The following B3GAT1 variants were observed in gnomAD, a reference collection of about 807,000 sequenced individuals.
The protein encoded by B3GAT1 is galactosylgalactosylxylosylprotein 3-beta-glucuronosyltransferase 1.
Under a neutral mutation model 28.4 loss-of-function variants are expected in B3GAT1, and 11 were observed. That is an observed-to-expected ratio of 0.39 (90% CI 0.24 to 0.64). B3GAT1 has a LOEUF of 0.64. Ranked by LOEUF, B3GAT1 falls within the 30% of genes least tolerant of loss-of-function variation. The pLI, the probability that B3GAT1 is intolerant of heterozygous loss-of-function variation, is 0.50. For missense variants in B3GAT1, 375 were observed against 491.0 expected, an observed-to-expected ratio of 0.76 and a Z score of 2.23; for synonymous variants, 255 against 223.1, an observed-to-expected ratio of 1.14 and a Z score of -1.27.
At chr11:134,401,977 G>A (rs1290606937) in intron 1 of B3GAT1, among the ~76,000 whole-genome samples, 1 of 122,836 alleles carries the variant, frequency 8.1e-6, no homozygotes, top group Non-Finnish European at 1.8e-5. Context: ...GGGCGGGGGG[G>A]GGCGGGCAGC....
chr11:134,383,827 G>C lies in B3GAT1; in HGVS notation c.474C>G (p.Ala158=). 1 of 1,595,478 alleles carries C rather than the reference G, an allele frequency of 6.3e-7. No homozygotes were observed. The highest frequency in any genetic ancestry group is 8.5e-7 in the Non-Finnish European group (1 of 1,172,960). The change falls in exon 3 of 6, where the codon GCC becomes GCG. Residue 158 remains alanine (A), a synonymous_variant. Coordinates refer to ENST00000312527, the MANE Select transcript of B3GAT1 (RefSeq NM_054025.3). ...TGCCCCGCGGGATGCGTGGGTCGCG[G>C]GCGTCTCCGCGCAGCTTGTAGTTGC... ...TPRNYKLRGD[A]RDPRIPRGTM...
Position 134,383,803 on chromosome 11 carries a change from G to A in B3GAT1, c.498C>T (p.Gly166=). ...GCAGGGCCAGGTTGCGCTGCATGGT[G>A]CCCCGCGGGATGCGTGGGTCGCGGG... ...GDARDPRIPR[G]TMQRNLALRW... Residue 166 remains glycine, a synonymous_variant, in exon 3 of 6, where the codon GGC becomes GGT. Coordinates refer to ENST00000312527, the MANE Select transcript of B3GAT1 (RefSeq NM_054025.3). 3 of 1,596,606 alleles carry A rather than the reference G, an allele frequency of 1.9e-6. No individual in the cohort carries two copies. The highest frequency in any genetic ancestry group is 3.4e-5 in the Admixed American group (2 of 58,174).
Position 134,387,538 on chromosome 11 carries a change from G to A in B3GAT1, c.112+10C>T, listed in dbSNP as rs751018602. ...CCAGCTGGGCAGGCAGGGCATGCGT[G>A]CGTGCTCACCCTTATGTACCGCGAG... On this transcript the variant is annotated intron_variant, in intron 2 of 5. Coordinates refer to ENST00000312527, the MANE Select transcript of B3GAT1 (RefSeq NM_054025.3). 1 of 1,613,622 alleles carries A rather than the reference G, an allele frequency of 6.2e-7. No homozygotes were observed. The highest frequency in any genetic ancestry group is 8.5e-7 in the Non-Finnish European group (1 of 1,179,922).
rs1211494365 is a variant in B3GAT1, at chr11:134,383,017, G to A, written c.622-11C>T. ...CCTGGTGCTGCGCATCTACAAGGGGGGGGTCCAGAGTCAGGGCGCCGGCAC... is the reference window on the plus strand; with the variant it reads ...CCTGGTGCTGCGCATCTACAAGGGGAGGGTCCAGAGTCAGGGCGCCGGCAC... On this transcript the variant is annotated splice_polypyrimidine_tract_variant and intron_variant, in intron 3 of 5. Coordinates refer to ENST00000312527, the MANE Select transcript of B3GAT1 (RefSeq NM_054025.3). 5.9e-6 allele frequency: 9 copies of A among 1,537,492 alleles called. No individual in the cohort carries two copies. The highest frequency in any genetic ancestry group is 7.9e-6 in the Non-Finnish European group (9 of 1,140,268).
At chr11:134,402,366 TCTC>T (rs1944633976) in intron 1 of B3GAT1, among the ~76,000 whole-genome samples, 1 of 152,034 alleles carries the variant, frequency 6.6e-6, no homozygotes, top group African/African-American at 2.4e-5. Flanking sequence ...CCTCTTCTCT[TCTC>T]CTGCCTCCAG....
In B3GAT1 at chr11:134,412,024, G is replaced by A. The variant is rs1422384863; in HGVS notation, c.-499C>T. 6.9e-6 allele frequency: 1 copy of A among 145,610 alleles called. No individual in the cohort carries two copies. Among genetic ancestry groups the A allele is most frequent in the Non-Finnish European group, 1.5e-5 (1 of 65,402 alleles). The allele number at this position is 145,610 out of a possible 1,614,324, so 9.0% of individuals were successfully genotyped here. On this transcript the variant is annotated 5_prime_UTR_variant, in exon 1 of 6. Coordinates refer to ENST00000312527, the MANE Select transcript of B3GAT1 (RefSeq NM_054025.3). Reference sequence around the variant, plus strand: ...CGCCGCCCCGGCCCGGCTCGTTCTGGGCTCAGCGAGGCGGCGGCCGAAGGC... The same window carrying A: ...CGCCGCCCCGGCCCGGCTCGTTCTGAGCTCAGCGAGGCGGCGGCCGAAGGC...
chr11:134,393,686 C>A lies in B3GAT1; in HGVS notation c.-281-5746G>T, dbSNP rs1336910977. Among the ~76,000 whole-genome samples the A allele has an allele frequency of 6.6e-6, 1 of 152,224 alleles. No homozygotes were observed. The highest frequency in any genetic ancestry group is 2.4e-5 in the African/African-American group (1 of 41,460). On this transcript the variant is annotated intron_variant, in intron 1 of 5. Coordinates refer to ENST00000312527, the MANE Select transcript of B3GAT1 (RefSeq NM_054025.3). This position sits in a 1 kb window ranked among gnomAD's most constrained non-coding sequence, Gnocchi z 4.0. Reference sequence around the variant, plus strand: ...ACAGTAGCAAGCGAGACGGTGAGTGCTGTGAACAGGCTGGGAACCGGCGTC... The same window carrying A: ...ACAGTAGCAAGCGAGACGGTGAGTGATGTGAACAGGCTGGGAACCGGCGTC...
At chr11:134,403,747 T>G (rs1009929520) in intron 1 of B3GAT1, among the ~76,000 whole-genome samples, 1 of 152,046 alleles carries the variant, frequency 6.6e-6, no homozygotes, top group African/African-American at 2.4e-5. Flanking sequence ...CAATGGAATA[T>G]TATTCAGCCT....
rs776093869 is a variant in B3GAT1, at chr11:134,383,904, G to A, written c.397C>T (p.Leu133=). The change falls in exon 3 of 6, where the codon CTG becomes TTG. Residue 133 remains leucine (L), a synonymous_variant. Coordinates refer to ENST00000312527, the MANE Select transcript of B3GAT1 (RefSeq NM_054025.3). The part of the protein sequence containing the change: ...APRRTPLTAR[L]LRDTGLNYTH... ...TAGTTGAGGCCGGTGTCGCGCAGCA[G>A]GCGCGCGGTCAGCGGCGTCCGGCGC... 4 of 1,596,106 alleles carry A rather than the reference G, an allele frequency of 2.5e-6. No homozygotes were observed. In the East Asian group the frequency reaches 9.0e-5, roughly 36 times the overall value.
rs981190295 is a variant in B3GAT1 at position 134,387,458 on chromosome 11, G to C, written c.112+90C>G. On this transcript the variant is annotated intron_variant, in intron 2 of 5. Transcript: ENST00000312527. ...TCCCGTGGTTCCTCCTAGCTGCTAA[G>C]TGAGTGCAAGCAAGAACCCTGCGTG... The C allele has an allele frequency of 4.6e-6, 7 of 1,534,718 alleles. No individual in the cohort carries two copies. The African/African-American group carries it at 8.1e-5, about 18-fold the overall frequency.
intron 2 of B3GAT1, 47 bp from the exon 3 acceptor site, chr11:134,384,235 G>A (rs1019793586): frequency 1.3e-6 from 2 of 1,506,330 alleles, no homozygotes. Context: ...CGCCGGCTAC[G>A]GCCCTGGATT....
chr11:134,387,017 C>G (rs1591636873), intron 2 of B3GAT1: 8 of 159,682 alleles, frequency 5.0e-5, no homozygotes, highest in Admixed American at 4.7e-4. Context: ...GCCAATCTTC[C>G]GCTGCCCTAA....
chr11:134,383,318 T>G (rs1262880417), intron 3 of B3GAT1, among the ~76,000 whole-genome samples: 2 of 152,072 alleles, frequency 1.3e-5, no homozygotes, highest in East Asian at 3.9e-4. Flanking sequence ...GAGTGTGAAG[T>G]GACTCCCCTT....
chr11:134,409,087 C>A lies in B3GAT1; in HGVS notation c.-282+2720G>T, dbSNP rs548163024. ...AAAATAAATAGATTAAATTAAAATT[C>A]ATCTAGTATTTCTTCTAAAAACTGG... On this transcript the variant is annotated intron_variant, in intron 1 of 5. Coordinates refer to ENST00000312527, the MANE Select transcript of B3GAT1 (RefSeq NM_054025.3). Among the ~76,000 whole-genome samples the A allele has an allele frequency of 3.3e-5, 5 of 152,286 alleles. No homozygotes were observed. In the South Asian group the frequency reaches 1.0e-3, roughly 32 times the overall value.
intron 1 of B3GAT1, among the ~76,000 whole-genome samples, chr11:134,404,077 T>A (rs1209968210): frequency 2.1e-5 from 3 of 146,152 alleles, no homozygotes; most frequent in African/African-American, 5.1e-5. Context: ...TGTGCAGGTT[T>A]GTTACATATG....
chr11:134,387,759 C>A lies in B3GAT1; in HGVS notation c.-100G>T. ...GGCGGCAGCACAGGGGAGAAAAGAACAGGCATGGGCCGGGCCGGCCAGGCA... is the reference window on the plus strand; with the variant it reads ...GGCGGCAGCACAGGGGAGAAAAGAAAAGGCATGGGCCGGGCCGGCCAGGCA... On this transcript the variant is annotated 5_prime_UTR_variant, in exon 2 of 6. Coordinates refer to ENST00000312527, the MANE Select transcript of B3GAT1 (RefSeq NM_054025.3). 1 of 1,563,536 alleles carries A rather than the reference C, an allele frequency of 6.4e-7. No individual in the cohort carries two copies. Among genetic ancestry groups the A allele is most frequent in the Non-Finnish European group, 8.6e-7 (1 of 1,156,270 alleles).
intron 1 of B3GAT1, among the ~76,000 whole-genome samples, chr11:134,394,306 C>T (rs1457652749): frequency 1.3e-5 from 2 of 152,354 alleles, no homozygotes; most frequent in East Asian, 1.9e-4. Context: ...ACACAGATCT[C>T]GTCCCCATTT....
chr11:134,404,764 G>T (rs1944695281), intron 1 of B3GAT1, among the ~76,000 whole-genome samples: 1 of 152,264 alleles, frequency 6.6e-6, no homozygotes, highest in African/African-American at 2.4e-5. Flanking sequence ...CAGTGCTGGA[G>T]CACTTGTTCT....
Position 134,382,798 on chromosome 11 carries a change from C to T in B3GAT1, c.830G>A (p.Gly277Asp). The part of the protein sequence containing the change: ...QRSQAYFKLR[G>D]VKGGYQESSL... ...GCTTTCCTGGTAGCCTCCCTTCACA[C>T]CTCGCAGCTTGAAGTAGGCCTGGCT... Residue 277 changes from glycine (G) to aspartate (D), a missense_variant, in exon 4 of 6, where the codon GGT becomes GAT. Coordinates refer to ENST00000312527, the MANE Select transcript of B3GAT1 (RefSeq NM_054025.3). 3 of 1,614,222 alleles carry T rather than the reference C, an allele frequency of 1.9e-6. No homozygotes were observed. The highest frequency in any genetic ancestry group is 2.5e-6 in the Non-Finnish European group (3 of 1,180,040).
Sources: allele counts gnomAD v4.1 joint callset (sites outside exome capture counted in the v4.1 genomes callset), GRCh38; gene constraint gnomAD v4.1.1; non-coding constraint Gnocchi (gnomAD v3.1); transcripts MANE v1.5; gene names NCBI Gene and HGNC (gene_info 2026-07-23, HGNC 2026-07-21).